The following POLE variants were observed in gnomAD, a reference collection of about 807,000 sequenced individuals.
POLE encodes the protein DNA polymerase epsilon, catalytic subunit, also known as DNA polymerase epsilon catalytic subunit A.
Under a neutral mutation model 279.2 loss-of-function variants are expected in POLE, and 188 were observed. That is an observed-to-expected ratio of 0.67 (90% CI 0.60 to 0.76). POLE has a LOEUF of 0.76. Among genes scored for constraint, POLE ranks in the 30% least tolerant of loss-of-function variants. POLE has a pLI of 0.00. For synonymous variants in POLE, 1,214 were observed against 1,172.5 expected (o/e 1.04, Z -0.72); for missense variants, 2,703 against 3,016.7 (o/e 0.90, Z 2.44).
chr12:132,668,409 A>G lies in POLE; in HGVS notation c.2120T>C (p.Phe707Ser), dbSNP rs2042844518. ...CTGTTCCTCGCGGGACAGTTCATGA[A>G]AGGCCCGAGCTGGCCCCTCTGGGAA... The part of the protein sequence containing the change: ...PLFPEGPARA[F>S]HELSREEQAK... Residue 707 changes from phenylalanine (F) to serine (S), a missense_variant, in exon 19 of 49, where the codon TTT becomes TCT. Transcript: ENST00000320574. This position sits in a 1 kb window ranked among gnomAD's most constrained non-coding sequence, Gnocchi z 4.0. 1 of 1,611,956 alleles carries G rather than the reference A, an allele frequency of 6.2e-7. No homozygotes were observed. Among genetic ancestry groups the G allele is most frequent in the African/African-American group, 1.3e-5 (1 of 74,802 alleles).
rs373443211 is a variant in POLE, at chr12:132,626,314, G to C, written c.6334C>G (p.Leu2112Val). The C allele has an allele frequency of 1.2e-5, 20 of 1,613,338 alleles. No homozygotes were observed. The African/African-American group carries it at 2.3e-4, about 18-fold the overall frequency. The change falls in exon 46 of 49, where the codon CTG (leucine) becomes GTG (valine). Residue 2112 changes from leucine to valine, a missense_variant. Coordinates refer to ENST00000320574, the MANE Select transcript of POLE (RefSeq NM_006231.4). ...LEFIKYVCKVLSLDTNITNQV... is the reference protein window; with the variant it reads ...LEFIKYVCKVVSLDTNITNQV... ...TTTGTGATGTTGGTGTCCAGGGACA[G>C]CACCTGCAGAGACCACAGCCCACAT...
Position 132,661,781 on chromosome 12 carries a change from C to A in POLE, c.2707-97G>T. The stretch of plus-strand genomic sequence containing the variant: ...TCCAGGAGTGGATGGATTGACAAAC[C>A]GAGGCTTTTCCACATAACTAACACG... On this transcript the variant is annotated intron_variant, in intron 23 of 48. Transcript: ENST00000320574. The surrounding 1 kb of genome is among the most constrained non-coding windows in gnomAD (Gnocchi z 4.1). 1 of 1,256,620 alleles carries A rather than the reference C, an allele frequency of 8.0e-7. No individual in the cohort carries two copies. Among genetic ancestry groups the A allele is most frequent in the South Asian group, 1.4e-5 (1 of 69,822 alleles). The allele number at this position is 1,256,620 out of a possible 1,614,324, so 77.8% of individuals were successfully genotyped here.
At chr12:132,636,229 C>A (rs1014803141) in intron 41 of POLE, among the ~76,000 whole-genome samples, 3 of 152,088 alleles carry the variant, frequency 2.0e-5, no homozygotes, top group Admixed American at 6.6e-5. Flanking sequence ...TGGGAGCTGG[C>A]GCCACAAAGA....
chr12:132,663,454 G>A (rs897021321), intron 23 of POLE, among the ~76,000 whole-genome samples: 1 of 152,244 alleles, frequency 6.6e-6, no homozygotes, highest in Non-Finnish European at 1.5e-5. Flanking sequence ...AGAAACAACA[G>A]ACAACCCCTG....
intron 20 of POLE, among the ~76,000 whole-genome samples, chr12:132,666,821 C>T (rs1183695184): frequency 6.6e-6 from 1 of 152,102 alleles, no homozygotes; most frequent in African/African-American, 2.4e-5. Flanking sequence ...TGCGAATATG[C>T]TTCATGCCCC....
intron 41 of POLE, 119 bp from the exon 42 acceptor site, chr12:132,636,143 C>T (rs1166383980): frequency 4.6e-6 from 5 of 1,094,560 alleles, no homozygotes. Flanking sequence ...TTTGAAAGTT[C>T]ATTCAGACCA....
Position 132,664,180 on chromosome 12 carries a change from T to C in POLE, c.2562-32A>G. 2 of 1,611,178 alleles carry C rather than the reference T, an allele frequency of 1.2e-6. No individual in the cohort carries two copies. Among genetic ancestry groups the C allele is most frequent in the Non-Finnish European group, 1.7e-6 (2 of 1,178,948 alleles). On this transcript the variant is annotated intron_variant, in intron 22 of 48. Coordinates refer to ENST00000320574, the MANE Select transcript of POLE (RefSeq NM_006231.4). The surrounding 1 kb of genome is among the most constrained non-coding windows in gnomAD (Gnocchi z 5.3). ...AGAAAGAGAGGAGCAAGGTCGTGAG[T>C]TCCCCTTTCCTTTTCACCCAGTGTG...
chr12:132,653,507 A>C (rs2042467608), intron 29 of POLE, among the ~76,000 whole-genome samples: 1 of 152,258 alleles, frequency 6.6e-6, no homozygotes, highest in African/African-American at 2.4e-5. Context: ...TCTAGTATAA[A>C]TGAAAGCAAT....
intron 20 of POLE, 53 bp downstream of exon 20, chr12:132,667,450 C>A (rs963084218): frequency 9.2e-5 from 146 of 1,592,994 alleles, no homozygotes; most frequent in Non-Finnish European, 1.2e-4. Flanking sequence ...ACTTCATGAG[C>A]CGACTGAAAC....
At chr12:132,665,202 T>C (rs1429377363) in intron 21 of POLE, 100 bp downstream of exon 21, 41 of 1,246,518 alleles carry the variant, frequency 3.3e-5, no homozygotes, top group Non-Finnish European at 4.1e-5. Context: ...TTGAATCAGA[T>C]GAACGGCCCT....
intron 9 of POLE, 49 bp downstream of exon 9, chr12:132,676,497 G>T (rs779603796): frequency 2.6e-6 from 3 of 1,141,062 alleles, no homozygotes; most frequent in South Asian, 1.2e-5. Context: ...ATGGGGACCA[G>T]ACAAGGTCCC....
chr12:132,625,860 G>A (rs1442393315), intron 46 of POLE, 90 bp from the exon 47 acceptor site: 4 of 1,520,880 alleles, frequency 2.6e-6, no homozygotes, highest in Non-Finnish European at 3.5e-6. Context: ...GGGGCTGTGA[G>A]AAGCGCCTGG....
In POLE at chr12:132,642,627, T is replaced by G. The variant is rs551368454; in HGVS notation, c.4831A>C (p.Ile1611Leu). 9 of 1,613,330 alleles carry G rather than the reference T, an allele frequency of 5.6e-6. No individual in the cohort carries two copies. The highest frequency in any genetic ancestry group is 7.6e-6 in the Non-Finnish European group (9 of 1,180,036). ...PVLEEFPLVP[I>L]CVADKINYGV... Reference sequence around the variant, plus strand: ...TAGTTGATCTTGTCAGCCACACAGATAGGCACCAGTGGGAATTCCTCCAAG... The same window carrying G: ...TAGTTGATCTTGTCAGCCACACAGAGAGGCACCAGTGGGAATTCCTCCAAG... Residue 1611 changes from isoleucine to leucine, a missense_variant, in exon 37 of 49, where the codon ATC (isoleucine) becomes CTC (leucine). Transcript: ENST00000320574.
rs1318993810 is a variant in POLE at position 132,642,892 on chromosome 12, G to A, written c.4656C>T (p.Thr1552=). The part of the protein sequence containing the change: ...GPELLPPPKH[T]FEVRAETDLK... ...GGTCAGTTTCTGCCCGAACTTCGAA[G>A]GTGTGTTTGGGGGGTGGCAGGAGCT... The change falls in exon 36 of 49, where the codon ACC becomes ACT. Residue 1552 remains threonine (T), a synonymous_variant. Transcript: ENST00000320574. 4.3e-6 allele frequency: 7 copies of A among 1,613,908 alleles called. No homozygotes were observed. The highest frequency in any genetic ancestry group is 5.9e-6 in the Non-Finnish European group (7 of 1,179,946).
rs761844573 is a variant in POLE, at chr12:132,668,504, T to C, written c.2027-2A>G. 3.8e-6 allele frequency: 6 copies of C among 1,588,020 alleles called. No individual in the cohort carries two copies. The highest frequency in any genetic ancestry group is 1.7e-5 in the Admixed American group (1 of 57,730). ...GGTATTCGCTGCGACTGGCTGGCAC[T>C]GGGAAGGAGGCAATGGGGGCAAGTT... is the stretch of plus-strand genomic sequence containing the variant. On this transcript the variant is annotated splice_acceptor_variant, in intron 18 of 48. Coordinates refer to ENST00000320574, the MANE Select transcript of POLE (RefSeq NM_006231.4). LOFTEE classifies it high-confidence loss of function. The surrounding 1 kb of genome is among the most constrained non-coding windows in gnomAD (Gnocchi z 4.0).
In POLE at chr12:132,675,281, C is replaced by T. The variant is rs73155093; in HGVS notation, c.1226+117G>A. 3.0e-4 allele frequency: 389 copies of T among 1,316,056 alleles called. No individual in the cohort carries two copies. The South Asian group carries it at 3.3e-3, about 11-fold the overall frequency. The allele number at this position is 1,316,056 out of a possible 1,614,324, so 81.5% of individuals were successfully genotyped here. On this transcript the variant is annotated intron_variant, in intron 12 of 48. Coordinates refer to ENST00000320574, the MANE Select transcript of POLE (RefSeq NM_006231.4). The surrounding 1 kb of genome is among the most constrained non-coding windows in gnomAD (Gnocchi z 4.3). Reference sequence around the variant, plus strand: ...TGCCATACTCTTGGGTGACCTGAAACGGCCTCTCGGAGGCCACCCTCCTCC... The same window carrying T: ...TGCCATACTCTTGGGTGACCTGAAATGGCCTCTCGGAGGCCACCCTCCTCC...
chr12:132,671,819 TAC>T (rs2135988677), intron 16 of POLE, among the ~76,000 whole-genome samples: 1 of 152,288 alleles, frequency 6.6e-6, no homozygotes, highest in East Asian at 1.9e-4. Context: ...AAACAGATTT[TAC>T]AGTCACTAAT....
At position 132,624,561 on chromosome 12, in the gene POLE, T is replaced by C; in HGVS notation, c.*136A>G. On this transcript the variant is annotated 3_prime_UTR_variant, in exon 49 of 49. Coordinates refer to ENST00000320574, the MANE Select transcript of POLE (RefSeq NM_006231.4). ...CTGAAAATGGTTTTCTTTGGTTTCC[T>C]CCCCGTTCCCTGGCCTGGGGTCACA... 1 of 699,870 alleles carries C rather than the reference T, an allele frequency of 1.4e-6. No homozygotes were observed. The highest frequency in any genetic ancestry group is 2.6e-6 in the Non-Finnish European group (1 of 383,194). The allele number at this position is 699,870 out of a possible 1,614,324, so 43.4% of individuals were successfully genotyped here.
At position 132,664,025 on chromosome 12, in the gene POLE, G is replaced by A. The variant is rs2135956513; in HGVS notation, c.2685C>T (p.Ala895=). 1 of 1,614,200 alleles carries A rather than the reference G, an allele frequency of 6.2e-7. No individual in the cohort carries two copies. Among genetic ancestry groups the A allele is most frequent in the East Asian group, 2.2e-5 (1 of 44,880 alleles). The change falls in exon 23 of 49, where the codon GCC becomes GCT. Residue 895 remains alanine (A), a synonymous_variant. Coordinates refer to ENST00000320574, the MANE Select transcript of POLE (RefSeq NM_006231.4). The surrounding 1 kb of genome is among the most constrained non-coding windows in gnomAD (Gnocchi z 5.3). ...TCACCTTGACCATGATGTTCAACAT[G>A]GCGCCTGGGTAGGAGATGGTCACTT... ...KPKVTISYPG[A]MLNIMVKEGF... is the part of the protein sequence containing the mutation.
Sources: gnomAD v4.1 joint callset for allele counts (sites outside exome capture counted in the v4.1 genomes callset) on GRCh38, gnomAD v4.1.1 for gene constraint, Gnocchi (gnomAD v3.1) non-coding constraint, MANE v1.5 for transcripts, NCBI Gene and HGNC (gene_info 2026-07-23, HGNC 2026-07-21) for gene names.